GAA: variants seen among roughly 807,000 people sequenced by gnomAD.
GAA encodes lysosomal alpha-glucosidase.
Under a neutral mutation model 103.9 loss-of-function variants are expected in GAA, and 88 were observed. That is an observed-to-expected ratio of 0.85 (90% CI 0.71 to 1.01). The LOEUF (loss-of-function observed/expected upper bound fraction) is 1.01, where lower values mean the gene tolerates loss of function less well. GAA is among the 50% of genes least tolerant of loss of function. The probability of loss-of-function intolerance (pLI) is 0.00; values close to 1 mark genes in which losing one functional copy is unlikely to be tolerated. For missense variants in GAA, 1,350 were observed against 1,305.3 expected, an observed-to-expected ratio of 1.03 and a Z score of -0.53; for synonymous variants, 572 against 563.1, an observed-to-expected ratio of 1.02 and a Z score of -0.22.
In GAA at chr17:80,106,998, C is replaced by T. The variant is rs12602422; in HGVS notation, c.693-559C>T. Among the ~76,000 whole-genome samples the T allele has an allele frequency of 0.65, 99,538 of 152,000 alleles. 33,449 individuals carry two copies. Among genetic ancestry groups the T allele is most frequent in the Middle Eastern group, 0.85 (250 of 294 alleles). ...AGTCTTGCCCAGGGGAGGGTGGGTG[C>T]GGTGTGAGCCCGTCCTGCGAAATTA... On this transcript the variant is annotated intron_variant, in intron 3 of 19. Coordinates refer to ENST00000302262, the MANE Select transcript of GAA (RefSeq NM_000152.5).
intron 19 of GAA, 118 bp from the exon 20 acceptor site, chr17:80,119,154 G>C: frequency 9.5e-7 from 1 of 1,047,988 alleles, no homozygotes; most frequent in Non-Finnish European, 1.5e-6. Context: ...GCTGCCCCCT[G>C]AGCGCCGGGC....
In GAA at chr17:80,105,107, A is replaced by T; in HGVS notation, c.521A>T (p.Glu174Val). ...ACCCTGCGGCTGGACGTGATGATGG[A>T]GACTGAGAACCGCCTCCACTTCACG... ...ILTLRLDVMM[E>V]TENRLHFTIK... Residue 174 changes from glutamate (E) to valine (V), a missense_variant, in exon 2 of 20, where the codon GAG (glutamate) becomes GTG (valine). Coordinates refer to ENST00000302262, the MANE Select transcript of GAA (RefSeq NM_000152.5). 3 of 1,609,820 alleles carry T rather than the reference A, an allele frequency of 1.9e-6. No homozygotes were observed. The highest frequency in any genetic ancestry group is 2.5e-6 in the Non-Finnish European group (3 of 1,179,054).
At chr17:80,110,642 C>T (rs937329505) in intron 9 of GAA, 85 bp from the exon 10 acceptor site, 28 of 1,201,630 alleles carry the variant, frequency 2.3e-5, no homozygotes, top group Non-Finnish European at 2.9e-5. Context: ...GAGGCTGCCC[C>T]TCTGCTCAGG....
Position 80,107,626 on chromosome 17 carries a change from G to C in GAA, c.762G>C (p.Ser254=). ...QFLQLSTSLP[S]QYITGLAEHL... is the part of the protein sequence containing the mutation. Reference sequence around the variant, plus strand: ...TTCAGCTGTCCACCTCGCTGCCCTCGCAGTATATCACAGGCCTCGCCGAGC... The same window carrying C: ...TTCAGCTGTCCACCTCGCTGCCCTCCCAGTATATCACAGGCCTCGCCGAGC... Residue 254 remains serine, a synonymous_variant, in exon 4 of 20, where the codon TCG becomes TCC. Transcript: ENST00000302262. The C allele has an allele frequency of 6.2e-7, 1 of 1,613,142 alleles. No homozygotes were observed. Among genetic ancestry groups the C allele is most frequent in the Non-Finnish European group, 8.5e-7 (1 of 1,179,896 alleles).
intron 15 of GAA, among the ~76,000 whole-genome samples, chr17:80,114,432 T>C (rs2039318871): frequency 1.3e-5 from 2 of 152,150 alleles, no homozygotes; most frequent in South Asian, 2.1e-4. Flanking sequence ...TTTTTTTTTT[T>C]TTTTTTAGTG....
rs377402848 is a variant in GAA at position 80,117,097 on chromosome 17, C to T, written c.2319C>T (p.Tyr773=). ...GCTACTTCCCCTTGGGCACATGGTACGACCTGCAGACGGTGAGTCTGGGGA... is the reference window on the plus strand; with the variant it reads ...GCTACTTCCCCTTGGGCACATGGTATGACCTGCAGACGGTGAGTCTGGGGA... ...VTGYFPLGTW[Y]DLQTVPVEAL... Residue 773 remains tyrosine, a synonymous_variant, in exon 16 of 20, where the codon TAC becomes TAT. Coordinates refer to ENST00000302262, the MANE Select transcript of GAA (RefSeq NM_000152.5). 162 of 1,612,740 alleles carry T rather than the reference C, an allele frequency of 1.0e-4. No individual in the cohort carries two copies. Among genetic ancestry groups the T allele is most frequent in the Non-Finnish European group, 1.3e-4 (159 of 1,180,012 alleles).
chr17:80,118,878 C>T (rs1045677019), intron 19 of GAA, 73 bp downstream of exon 19: 31 of 1,559,092 alleles, frequency 2.0e-5, no homozygotes, highest in Non-Finnish European at 2.5e-5. Context: ...TGCTGGGCGT[C>T]CTGGTGACCG....
intron 16 of GAA, 141 bp downstream of exon 16, chr17:80,117,250 C>A: frequency 1.1e-6 from 1 of 880,886 alleles, no homozygotes; most frequent in East Asian, 2.6e-5. Flanking sequence ...AGGCCCCCAC[C>A]CGGCTGCTCC....
At chr17:80,117,874 G>GT (rs2039392816) in intron 17 of GAA, 125 bp downstream of exon 17, 1 of 1,037,786 alleles carries the variant, frequency 9.6e-7, no homozygotes, top group Non-Finnish European at 1.4e-6. Context: ...CGCAGTGTAG[G>GT]TTATCAAGGA....
chr17:80,111,670 T>G, intron 11 of GAA: 1 of 429,418 alleles, frequency 2.3e-6, no homozygotes, highest in Non-Finnish European at 4.3e-6. Context: ...AGGATGGGGT[T>G]TTGGGCTTAG....
intron 2 of GAA, 70 bp downstream of exon 2, chr17:80,105,202 T>C: frequency 2.8e-6 from 4 of 1,406,418 alleles, no homozygotes; most frequent in South Asian, 1.3e-5. Flanking sequence ...CCCACGCACC[T>C]CACAAGGGTG....
Position 80,110,840 on chromosome 17 carries a change from T to C in GAA, c.1551T>C (p.Ile517=), listed in dbSNP as rs903170873. ...HDQVPFDGMW[I]DMNEPSNFIR... ...AGGTGCCCTTCGACGGCATGTGGAT[T>C]GTAAGTGTGGCCCCCTCCTGAGCAT... is the stretch of plus-strand genomic sequence containing the variant. Residue 517 remains isoleucine, a splice_region_variant and synonymous_variant, in exon 10 of 20, where the codon ATT becomes ATC. Transcript: ENST00000302262. The C allele has an allele frequency of 6.2e-7, 1 of 1,614,012 alleles. No homozygotes were observed. The highest frequency in any genetic ancestry group is 1.3e-5 in the African/African-American group (1 of 75,022).
rs753382861 is a variant in GAA at position 80,117,719 on chromosome 17, C to T, written c.2451C>T (p.His817=). Residue 817 remains histidine, a synonymous_variant, in exon 17 of 20, where the codon CAC becomes CAT. Transcript: ENST00000302262. ...LPAPLDTINV[H]LRAGYIIPLQ... is the part of the protein sequence containing the mutation. ...CCCCCCTGGACACCATCAACGTCCA[C>T]CTCCGGGCTGGGTACATCATCCCCC... 6.2e-7 allele frequency: 1 copy of T among 1,611,718 alleles called. No homozygotes were observed. Among genetic ancestry groups the T allele is most frequent in the Admixed American group, 1.7e-5 (1 of 59,888 alleles).
intron 12 of GAA, 72 bp downstream of exon 12, chr17:80,112,172 G>A (rs2039252493): frequency 1.4e-6 from 2 of 1,451,524 alleles, no homozygotes; most frequent in Non-Finnish European, 9.6e-7. Context: ...CCTCTGCAGG[G>A]CCTCAGGGAG....
At chr17:80,109,292 ACTT>A (rs1419623519) in intron 8 of GAA, among the ~76,000 whole-genome samples, 1 of 152,032 alleles carries the variant, frequency 6.6e-6, no homozygotes, top group African/African-American at 2.4e-5. Context: ...CAGAGCGGAG[ACTT>A]CTTCCCATCA....
chr17:80,115,428 G>C (rs546339819), intron 15 of GAA, among the ~76,000 whole-genome samples: 1 of 151,834 alleles, frequency 6.6e-6, no homozygotes, highest in Admixed American at 6.6e-5. Context: ...ATTCCTTTAC[G>C]TTTCTCTCGT....
rs34746710 is a variant in GAA at position 80,105,425 on chromosome 17, G to A, written c.546+293G>A. Among the ~76,000 whole-genome samples, 31,044 of 152,210 alleles carry A rather than the reference G, an allele frequency of 0.2. 3,868 individuals carry two copies. Among genetic ancestry groups the A allele is most frequent in the Non-Finnish European group, 0.28 (18,929 of 67,986 alleles). ...TGAAAACAGGATGCCCAGTAAACCC[G>A]AATTGCAGATACCCCAGGCATGACT... On this transcript the variant is annotated intron_variant, in intron 2 of 19. Coordinates refer to ENST00000302262, the MANE Select transcript of GAA (RefSeq NM_000152.5).
rs2039012052 is a variant in GAA, at chr17:80,104,031, A to G, written c.-32-524A>G. 6.6e-6 allele frequency among the ~76,000 whole-genome samples: 1 copy of G among 152,166 alleles called. No individual in the cohort carries two copies. The highest frequency in any genetic ancestry group is 2.4e-5 in the African/African-American group (1 of 41,450). On this transcript the variant is annotated intron_variant, in intron 1 of 19. Coordinates refer to ENST00000302262, the MANE Select transcript of GAA (RefSeq NM_000152.5). This position sits in a 1 kb window ranked among gnomAD's most constrained non-coding sequence, Gnocchi z 4.0. ...GAAATCCCAGCACTTCGGAAGGCCA[A>G]GGGGGGTGGATCACTTGAGCTCAGG...
rs755253527 is a variant in GAA at position 80,108,495 on chromosome 17, C to T, written c.1082C>T (p.Pro361Leu). 6 of 1,612,962 alleles carry T rather than the reference C, an allele frequency of 3.7e-6. No individual in the cohort carries two copies. Among genetic ancestry groups the T allele is most frequent in the Admixed American group, 3.3e-5 (2 of 59,994 alleles). ...VQQYLDVVGY[P>L]FMPPYWGLGF... ...AGTCGGCGTTGGCCTGCAGGATACC[C>T]GTTCATGCCGCCATACTGGGGCCTG... Residue 361 changes from proline to leucine, a missense_variant, in exon 7 of 20, where the codon CCG becomes CTG. Transcript: ENST00000302262.
Sources: allele counts gnomAD v4.1 joint callset (sites outside exome capture counted in the v4.1 genomes callset), GRCh38; gene constraint gnomAD v4.1.1; non-coding constraint Gnocchi (gnomAD v3.1); transcripts MANE v1.5; gene names NCBI Gene and HGNC (gene_info 2026-07-23, HGNC 2026-07-21).